The following PNPT1 variants were observed in gnomAD, a reference collection of about 807,000 sequenced individuals.
PNPT1 encodes the protein polyribonucleotide nucleotidyltransferase 1, mitochondrial.
PNPT1 carries 53 observed loss-of-function variants against 119.5 expected under a neutral mutation model. The ratio of observed to expected loss-of-function variants is 0.44; its 90% CI spans 0.36 to 0.56. The LOEUF is 0.56. Among genes scored for constraint, PNPT1 ranks in the 20% least tolerant of loss-of-function variants. The probability of loss-of-function intolerance (pLI) is 0.00; values close to 1 mark genes in which losing one functional copy is unlikely to be tolerated. For missense variants in PNPT1, 948 were observed against 938.5 expected (o/e 1.01, Z -0.13); for synonymous variants, 357 against 322.1 (o/e 1.11, Z -1.16).
In PNPT1 at chr2:55,636,004, GACTT is replaced by G. The variant is rs571982704; in HGVS notation, c.*229_*232del. 210 of 257,966 alleles carry G rather than the reference GACTT, an allele frequency of 8.1e-4. No homozygotes were observed. In the East Asian group the frequency reaches 9.7e-3, roughly 12 times the overall value. The allele number at this position is 257,966 out of a possible 1,614,324, so 16.0% of individuals were successfully genotyped here. ...GTAATTTTTTCTAAGATGTATAAAT[GACTT>G]ACTTTTAATAATAAATATTTCTTGA... On this transcript the variant is annotated 3_prime_UTR_variant, in exon 28 of 28. Transcript: ENST00000447944.
Position 55,680,740 on chromosome 2 carries a change from T to C in PNPT1, c.537A>G (p.Leu179=), listed in dbSNP as rs1224010629. The change falls in exon 7 of 28, where the codon TTA becomes TTG. Residue 179 remains leucine, a synonymous_variant. Transcript: ENST00000447944. ...AINGASVALS[L]SDIPWNGPVG... ...CAGGTCCATTCCAAGGAATATCTGA[T>C]AATGAGAGGGCTACGGAAGCTTAAA... is the stretch of plus-strand genomic sequence containing the variant. The C allele has an allele frequency of 6.2e-7, 1 of 1,613,778 alleles. No homozygotes were observed. Among genetic ancestry groups the C allele is most frequent in the Admixed American group, 1.7e-5 (1 of 59,982 alleles).
chr2:55,672,853 G>T, intron 9 of PNPT1, 40 bp downstream of exon 9: 1 of 1,527,126 alleles, frequency 6.5e-7, no homozygotes, highest in Non-Finnish European at 8.8e-7. Flanking sequence ...AATTAAATCT[G>T]ATGACAATTT....
intron 11 of PNPT1, among the ~76,000 whole-genome samples, chr2:55,668,323 G>A (rs894760025): frequency 2.0e-5 from 3 of 152,160 alleles, no homozygotes; most frequent in African/African-American, 7.2e-5. Flanking sequence ...TGCAACCTCT[G>A]TCTCCTGGGT....
intron 13 of PNPT1, among the ~76,000 whole-genome samples, chr2:55,662,601 A>G (rs1159033283): frequency 6.6e-6 from 1 of 152,176 alleles, no homozygotes; most frequent in Non-Finnish European, 1.5e-5. Flanking sequence ...CTCGAATCCA[A>G]CAGGCGAGGT....
At chr2:55,641,540 A>C (rs1158418928) in intron 25 of PNPT1, among the ~76,000 whole-genome samples, 1 of 152,088 alleles carries the variant, frequency 6.6e-6, no homozygotes, top group African/African-American at 2.4e-5. Flanking sequence ...AATAGTATAG[A>C]ATCTCATATG....
At chr2:55,648,735 T>G (rs1451351064) in intron 18 of PNPT1, among the ~76,000 whole-genome samples, 2 of 152,236 alleles carry the variant, frequency 1.3e-5, no homozygotes, top group East Asian at 1.9e-4. Flanking sequence ...GATAAAATAT[T>G]ATGTTTAATA....
chr2:55,683,643 T>A (rs1697313463), intron 5 of PNPT1, 142 bp downstream of exon 5: 14 of 819,390 alleles, frequency 1.7e-5, no homozygotes, highest in Non-Finnish European at 2.4e-5. Flanking sequence ...TACTATCTTT[T>A]TTCAAAAACG....
chr2:55,661,577 T>A (rs1331753148), intron 14 of PNPT1, among the ~76,000 whole-genome samples: 1 of 152,188 alleles, frequency 6.6e-6, no homozygotes, highest in East Asian at 1.9e-4. Context: ...ACGAGGTTTT[T>A]CATTAACAGC....
At chr2:55,681,264 G>A (rs938051696) in intron 5 of PNPT1, among the ~76,000 whole-genome samples, 10 of 152,082 alleles carry the variant, frequency 6.6e-5, no homozygotes, top group South Asian at 4.1e-4. Context: ...AAAATTAGCC[G>A]GGTGTAGTGG....
Position 55,647,445 on chromosome 2 carries a change from T to C in PNPT1, c.1504A>G (p.Ile502Val), listed in dbSNP as rs767719484. The C allele has an allele frequency of 6.2e-7, 1 of 1,607,830 alleles. No homozygotes were observed. Among genetic ancestry groups the C allele is most frequent in the Non-Finnish European group, 8.5e-7 (1 of 1,176,154 alleles). The change falls in exon 19 of 28, where the codon ATT (isoleucine) becomes GTT (valine). Residue 502 changes from isoleucine to valine, a missense_variant. By Grantham distance (29) the Ile-to-Val change is conservative. Coordinates refer to ENST00000447944, the MANE Select transcript of PNPT1 (RefSeq NM_033109.5). ...GCTACGCCTGCAACAGCAGATGAAA[T>C]TGGAACCCCTATAATTGGGAAAAAG... ...SLALMDSGVP[I>V]SSAVAGVAIG... is the part of the protein sequence containing the mutation.
chr2:55,687,058 C>A (rs1372416013), intron 2 of PNPT1, among the ~76,000 whole-genome samples: 1 of 151,760 alleles, frequency 6.6e-6, no homozygotes, highest in Non-Finnish European at 1.5e-5. Context: ...ACTAAAAATA[C>A]AAAAAATTAG....
rs1033071660 is a variant in PNPT1 at position 55,636,377 on chromosome 2, G to A, written c.2212C>T (p.Arg738Cys). Residue 738 changes from arginine (R) to cysteine (C), a missense_variant, in exon 28 of 28, where the codon CGT (arginine) becomes TGT (cysteine). Coordinates refer to ENST00000447944, the MANE Select transcript of PNPT1 (RefSeq NM_033109.5). ...GQEIQVKYFG[R>C]DPADGRMRLS... Reference sequence around the variant, plus strand: ...CTCATTCTTCCATCGGCTGGGTCACGTCCAAAGTATTTCACCTGTGTTAAA... The same window carrying A: ...CTCATTCTTCCATCGGCTGGGTCACATCCAAAGTATTTCACCTGTGTTAAA... 1.6e-5 allele frequency: 26 copies of A among 1,613,814 alleles called. No individual in the cohort carries two copies. Among genetic ancestry groups the A allele is most frequent in the African/African-American group, 2.7e-5 (2 of 74,916 alleles).
chr2:55,641,467 C>T (rs4672060), intron 25 of PNPT1, among the ~76,000 whole-genome samples: 12,734 of 151,448 alleles, frequency 0.084, 646 homozygotes, highest in South Asian at 0.14. Flanking sequence ...TGGGGTTTCA[C>T]GAAGTTGGCC....
chr2:55,687,162 C>T (rs902476150), intron 2 of PNPT1, among the ~76,000 whole-genome samples: 6 of 140,294 alleles, frequency 4.3e-5, no homozygotes, highest in Admixed American at 8.0e-5. Flanking sequence ...TGCAGTGAAC[C>T]GAGATCGCGC....
chr2:55,679,630 C>A, intron 8 of PNPT1, 52 bp downstream of exon 8: 1 of 1,319,192 alleles, frequency 7.6e-7, no homozygotes, highest in Non-Finnish European at 1.1e-6. Flanking sequence ...GTTTAAGAAG[C>A]CAGAACTTGT....
chr2:55,686,273 T>C lies in PNPT1; in HGVS notation c.297+97A>G, dbSNP rs1697402784. The C allele has an allele frequency of 4.6e-6, 5 of 1,089,640 alleles. No individual in the cohort carries two copies. The East Asian group carries it at 1.3e-4, about 28-fold the overall frequency. 67.5% of individuals were successfully genotyped at this position (1,089,640 alleles called of 1,614,324 possible). ...AGGAAAAATTCTTTGTTGTGCAAGT[T>C]TGTATTTTCCACTCACTAGACACTG... On this transcript the variant is annotated intron_variant, in intron 3 of 27. Coordinates refer to ENST00000447944, the MANE Select transcript of PNPT1 (RefSeq NM_033109.5).
intron 18 of PNPT1, among the ~76,000 whole-genome samples, chr2:55,653,543 G>A (rs1696278695): frequency 6.6e-6 from 1 of 152,214 alleles, no homozygotes; most frequent in Non-Finnish European, 1.5e-5. Flanking sequence ...GTCTAAGACT[G>A]TTTTGTTCAT....
intron 11 of PNPT1, among the ~76,000 whole-genome samples, chr2:55,669,725 G>C (rs1012181113): frequency 6.0e-5 from 9 of 151,058 alleles, no homozygotes; most frequent in African/African-American, 2.2e-4. Context: ...TTCAATGACA[G>C]TTACAATTAA....
intron 11 of PNPT1, among the ~76,000 whole-genome samples, chr2:55,668,360 C>T (rs1013130127): frequency 6.6e-6 from 1 of 152,142 alleles, no homozygotes; most frequent in African/African-American, 2.4e-5. Context: ...CCTTAGCATT[C>T]TGAGTAGCTG....
Sources: gnomAD v4.1 joint callset for allele counts (sites outside exome capture counted in the v4.1 genomes callset) on GRCh38, gnomAD v4.1.1 for gene constraint, MANE v1.5 for transcripts, NCBI Gene and HGNC (gene_info 2026-07-23, HGNC 2026-07-21) for gene names.